The following RSBN1 variants were observed in gnomAD, a reference collection of about 807,000 sequenced individuals.
The protein encoded by RSBN1 is round spermatid basic protein 1, also known as lysine-specific demethylase 9.
RSBN1 carries 23 observed loss-of-function variants against 74.8 expected under a neutral mutation model. The ratio of observed to expected loss-of-function variants is 0.31; its 90% CI spans 0.22 to 0.44. The LOEUF is 0.44. Among genes scored for constraint, RSBN1 ranks in the 20% least tolerant of loss-of-function variants. The pLI is 1.00. For synonymous variants in RSBN1, 407 were observed against 379.6 expected, an observed-to-expected ratio of 1.07 and a Z score of -0.84; for missense variants, 808 against 1,020.9, an observed-to-expected ratio of 0.79 and a Z score of 2.84.
intron 4 of RSBN1, among the ~76,000 whole-genome samples, chr1:113,774,490 C>T (rs562647928): frequency 7.3e-5 from 11 of 151,720 alleles, no homozygotes; most frequent in African/African-American, 2.2e-4. Context: ...CTGGCTAACA[C>T]GTTGAAACCC....
chr1:113,810,084 G>A (rs116557697), intron 1 of RSBN1, among the ~76,000 whole-genome samples: 2,045 of 152,242 alleles, frequency 0.013, 53 homozygotes, highest in African/African-American at 0.046. Context: ...TAAAGCCACT[G>A]TAATGTCAAA....
chr1:113,794,582 A>C (rs1167667187), intron 2 of RSBN1, among the ~76,000 whole-genome samples: 1 of 152,146 alleles, frequency 6.6e-6, no homozygotes, highest in Non-Finnish European at 1.5e-5. Flanking sequence ...GTATTTGCAT[A>C]GGCTGTTATT....
At chr1:113,789,246 G>A (rs565468465) in intron 2 of RSBN1, among the ~76,000 whole-genome samples, 1 of 152,144 alleles carries the variant, frequency 6.6e-6, no homozygotes, top group South Asian at 2.1e-4. Context: ...ACATAATGAA[G>A]GCTTCATAAA....
intron 2 of RSBN1, among the ~76,000 whole-genome samples, chr1:113,794,025 A>C (rs1348723077): frequency 1.3e-5 from 2 of 152,038 alleles, no homozygotes; most frequent in Admixed American, 6.6e-5. Context: ...AAAATATCTC[A>C]AACTGAGCTC....
At chr1:113,766,520 G>T in intron 6 of RSBN1, 67 bp from the exon 7 acceptor site, 1 of 1,043,348 alleles carries the variant, frequency 9.6e-7, no homozygotes, top group Non-Finnish European at 1.4e-6. Flanking sequence ...GAAATAATTA[G>T]CAAAGGAAAA....
rs1315373428 is a variant in RSBN1, at chr1:113,763,054, T to C, written c.*2926A>G. 2.0e-5 allele frequency: 3 copies of C among 152,772 alleles called. No homozygotes were observed. The highest frequency in any genetic ancestry group is 2.9e-5 in the Non-Finnish European group (2 of 68,026). The allele number at this position is 152,772 out of a possible 1,614,324, so 9.5% of individuals were successfully genotyped here. On this transcript the variant is annotated 3_prime_UTR_variant, in exon 7 of 7. Transcript: ENST00000261441. ...AGTTAAAACTTTGGAGGAGAGAACATACTATATAGGTTTTTATTATTATTG... is the reference window on the plus strand; with the variant it reads ...AGTTAAAACTTTGGAGGAGAGAACACACTATATAGGTTTTTATTATTATTG...
intron 1 of RSBN1, among the ~76,000 whole-genome samples, chr1:113,810,920 A>G (rs555499500): frequency 6.6e-6 from 1 of 152,326 alleles, no homozygotes; most frequent in South Asian, 2.1e-4. Context: ...TAATTTTTCT[A>G]GAATCCACAT....
At chr1:113,767,342 C>A in intron 5 of RSBN1, 135 bp from the exon 6 acceptor site, 2 of 431,940 alleles carry the variant, frequency 4.6e-6, no homozygotes, top group Non-Finnish European at 8.1e-6. Context: ...ACTAGGTATA[C>A]AATTTTTTTT....
Position 113,812,466 on chromosome 1 carries a change from TA to T in RSBN1, c.-55del. Reference sequence around the variant, plus strand: ...CCGCAGGCCTCTCCAACCGAGCTTCTATTGTAAAGCACCCTATGCCGCGCAA... The same window carrying T: ...CCGCAGGCCTCTCCAACCGAGCTTCTTTGTAAAGCACCCTATGCCGCGCAA... On this transcript the variant is annotated 5_prime_UTR_variant, in exon 1 of 7. Transcript: ENST00000261441. 1 of 1,507,076 alleles carries T rather than the reference TA, an allele frequency of 6.6e-7. No homozygotes were observed. The highest frequency in any genetic ancestry group is 8.8e-7 in the Non-Finnish European group (1 of 1,132,540). 93.4% of individuals were successfully genotyped at this position (1,507,076 alleles called of 1,614,324 possible). A position where few individuals can be genotyped will look rare whatever the true frequency, so the allele number is the denominator to read the frequency against.
rs1571290022 is a variant in RSBN1 at position 113,762,912 on chromosome 1, G to A, written c.*3068C>T. On this transcript the variant is annotated 3_prime_UTR_variant, in exon 7 of 7. Coordinates refer to ENST00000261441, the MANE Select transcript of RSBN1 (RefSeq NM_018364.5). The stretch of plus-strand genomic sequence containing the variant: ...TGGTATTCCAACTGTCTCTTAAGGG[G>A]AAAGGGCACTTTTCAAAAGTCTTTC... 3 of 152,684 alleles carry A rather than the reference G, an allele frequency of 2.0e-5. No homozygotes were observed. Among genetic ancestry groups the A allele is most frequent in the East Asian group, 1.9e-4 (1 of 5,334 alleles). The allele number at this position is 152,684 out of a possible 1,614,324, so 9.5% of individuals were successfully genotyped here. A position where few individuals can be genotyped will look rare whatever the true frequency, so the allele number is the denominator to read the frequency against.
rs1659687615 is a variant in RSBN1, at chr1:113,761,980, T to G, written c.*4000A>C. The G allele has an allele frequency of 6.5e-6, 1 of 152,762 alleles. No individual in the cohort carries two copies. The highest frequency in any genetic ancestry group is 2.4e-5 in the African/African-American group (1 of 41,450). The allele number at this position is 152,762 out of a possible 1,614,324, so 9.5% of individuals were successfully genotyped here. A position where few individuals can be genotyped will look rare whatever the true frequency, so the allele number is the denominator to read the frequency against. Reference sequence around the variant, plus strand: ...AAAAAGCACTGTGTTAAAAGGATTATTCACACAAATTTAGATTTAAGACTA... The same window carrying G: ...AAAAAGCACTGTGTTAAAAGGATTAGTCACACAAATTTAGATTTAAGACTA... On this transcript the variant is annotated 3_prime_UTR_variant, in exon 7 of 7. Transcript: ENST00000261441.
Position 113,797,717 on chromosome 1 carries a change from C to A in RSBN1, c.1023G>T (p.Gln341His). The A allele has an allele frequency of 6.2e-7, 1 of 1,614,038 alleles. No homozygotes were observed. Among genetic ancestry groups the A allele is most frequent in the Non-Finnish European group, 8.5e-7 (1 of 1,179,972 alleles). The stretch of plus-strand genomic sequence containing the variant: ...AGAAATTTCTACGAATAGAATGTTC[C>A]TGGTGAGTCATAAAAGGTGTTTGTA... ...QGVQTPFMTH[Q>H]EHSIRRNFLK... is the part of the protein sequence containing the mutation. Residue 341 changes from glutamine to histidine, a missense_variant, in exon 2 of 7, where the codon CAG (glutamine) becomes CAT (histidine). Physicochemically the swap from Gln to His is conservative, Grantham distance 24 (BLOSUM62 0). This residue lies in a region of RSBN1 where 85 missense variants were observed against 126.2 expected (regional missense o/e 0.67). Transcript: ENST00000261441.
At chr1:113,805,768 G>C (rs955332586) in intron 1 of RSBN1, among the ~76,000 whole-genome samples, 2 of 152,156 alleles carry the variant, frequency 1.3e-5, no homozygotes, top group Admixed American at 6.5e-5. Context: ...GTCTCCACAT[G>C]AATTCAGATT....
chr1:113,796,028 G>T (rs755313511), intron 2 of RSBN1, among the ~76,000 whole-genome samples: 2 of 151,938 alleles, frequency 1.3e-5, no homozygotes, highest in Non-Finnish European at 2.9e-5. Context: ...TGTTAAATAG[G>T]GAACTTATGG....
intron 2 of RSBN1, among the ~76,000 whole-genome samples, chr1:113,794,310 T>A (rs1660427758): frequency 6.6e-6 from 1 of 152,176 alleles, no homozygotes; most frequent in Non-Finnish European, 1.5e-5. Context: ...ACCAATTCCA[T>A]CCTCCACACT....
intron 2 of RSBN1, among the ~76,000 whole-genome samples, chr1:113,791,487 T>C (rs531458536): frequency 4.7e-4 from 72 of 152,284 alleles, no homozygotes; most frequent in Non-Finnish European, 6.9e-4. Flanking sequence ...AAAAGCACTA[T>C]GTGGAAAACC....
At chr1:113,774,144 T>C (rs1410763540) in intron 4 of RSBN1, among the ~76,000 whole-genome samples, 2 of 152,226 alleles carry the variant, frequency 1.3e-5, no homozygotes, top group Admixed American at 6.5e-5. Flanking sequence ...TGATTTTAGC[T>C]GATTTGCTGA....
At chr1:113,799,862 T>C (rs1660547198) in intron 1 of RSBN1, among the ~76,000 whole-genome samples, 2 of 152,322 alleles carry the variant, frequency 1.3e-5, no homozygotes, top group Admixed American at 1.3e-4. Context: ...CAGGATTAAA[T>C]ACCAGGTAGA....
chr1:113,803,556 T>C (rs1174849031), intron 1 of RSBN1, among the ~76,000 whole-genome samples: 1 of 152,322 alleles, frequency 6.6e-6, no homozygotes, highest in South Asian at 2.1e-4. Flanking sequence ...ATTATAAAAT[T>C]AGTGTGCAGA....
Sources: allele counts gnomAD v4.1 joint callset (sites outside exome capture counted in the v4.1 genomes callset), GRCh38; gene constraint gnomAD v4.1.1; regional missense constraint gnomAD v4.1.1; transcripts MANE v1.5; gene names NCBI Gene and HGNC (gene_info 2026-07-23, HGNC 2026-07-21).